BICRA: variants seen among roughly 807,000 people sequenced by gnomAD.
The protein encoded by BICRA is BRD4-interacting chromatin-remodeling complex-associated protein.
Under a neutral mutation model 96.9 loss-of-function variants are expected in BICRA, and 31 were observed. The ratio of observed to expected loss-of-function variants is 0.32; its 90% CI spans 0.24 to 0.43. BICRA has a LOEUF of 0.43. Among genes scored for constraint, BICRA ranks in the 20% least tolerant of loss-of-function variants. The pLI is 1.00. For synonymous variants in BICRA, 1,350 were observed against 1,071.8 expected (o/e 1.26, Z -5.07); for missense variants, 2,283 against 2,190.3 (o/e 1.04, Z -0.84).
chr19:47,674,313 T>TACAGAACC (rs149002308), intron 4 of BICRA, among the ~76,000 whole-genome samples: 1 of 151,796 alleles, frequency 6.6e-6, no homozygotes, highest in African/African-American at 2.4e-5. Flanking sequence ...AGTCACCAGG[T>TACAGAACC]TGTGTAGGCC....
At chr19:47,642,849 G>A (rs575149424) in intron 1 of BICRA, among the ~76,000 whole-genome samples, 119 of 152,330 alleles carry the variant, frequency 7.8e-4, no homozygotes, top group African/African-American at 2.7e-3. Flanking sequence ...AATGTCAGAC[G>A]TTCTAACGGG....
Position 47,675,717 on chromosome 19 carries a change from T to G in BICRA, c.85-134T>G. On this transcript the variant is annotated intron_variant, in intron 4 of 14. Transcript: ENST00000594866. This position sits in a 1 kb window ranked among gnomAD's most constrained non-coding sequence, Gnocchi z 4.7. ...TGGGGCCTCTTTTCGGAGGCGAGAG[T>G]TTCCCATACCCCCAGCCCTCTCCCA... 1.4e-6 allele frequency: 1 copy of G among 717,646 alleles called. No individual in the cohort carries two copies. Among genetic ancestry groups the G allele is most frequent in the Non-Finnish European group, 2.5e-6 (1 of 407,692 alleles). The allele number at this position is 717,646 out of a possible 1,614,324, so 44.5% of individuals were successfully genotyped here.
Position 47,695,430 on chromosome 19 carries a change from G to A in BICRA, c.3142G>A (p.Ala1048Thr). 1.3e-6 allele frequency: 2 copies of A among 1,598,472 alleles called. No individual in the cohort carries two copies. The highest frequency in any genetic ancestry group is 2.3e-5 in the East Asian group (1 of 44,086). Residue 1048 changes from alanine (A) to threonine (T), a missense_variant, in exon 10 of 15, where the codon GCC becomes ACC. Coordinates refer to ENST00000594866, the MANE Select transcript of BICRA (RefSeq NM_001394372.1). Reference sequence around the variant, plus strand: ...CAGCAACCTCCCGACCCTGAATGTGGCCAAGGCCGCTTCCTCCGGGCCAGG... The same window carrying A: ...CAGCAACCTCCCGACCCTGAATGTGACCAAGGCCGCTTCCTCCGGGCCAGG... ...FASNLPTLNV[A>T]KAASSGPGKP...
At position 47,675,705 on chromosome 19, in the gene BICRA, C is replaced by T. The variant is rs564354765; in HGVS notation, c.85-146C>T. 17 of 681,192 alleles carry T rather than the reference C, an allele frequency of 2.5e-5. No individual in the cohort carries two copies. The highest frequency in any genetic ancestry group is 6.9e-5 in the South Asian group (4 of 58,160). 42.2% of individuals were successfully genotyped at this position (681,192 alleles called of 1,614,324 possible). Reference sequence around the variant, plus strand: ...AGCCCCTGCCTTTGGGGCCTCTTTTCGGAGGCGAGAGTTTCCCATACCCCC... The same window carrying T: ...AGCCCCTGCCTTTGGGGCCTCTTTTTGGAGGCGAGAGTTTCCCATACCCCC... On this transcript the variant is annotated intron_variant, in intron 4 of 14. Coordinates refer to ENST00000594866, the MANE Select transcript of BICRA (RefSeq NM_001394372.1). The surrounding 1 kb of genome is among the most constrained non-coding windows in gnomAD (Gnocchi z 4.7).
intron 1 of BICRA, among the ~76,000 whole-genome samples, chr19:47,656,617 G>T (rs1972622892): frequency 6.6e-6 from 1 of 152,046 alleles, no homozygotes; most frequent in Non-Finnish European, 1.5e-5. Context: ...TTTTCTACAT[G>T]CTAGGGGTGC....
At chr19:47,633,226 C>A (rs1367683272) in intron 1 of BICRA, among the ~76,000 whole-genome samples, 1 of 151,610 alleles carries the variant, frequency 6.6e-6, no homozygotes, top group Non-Finnish European at 1.5e-5. Context: ...ATTATAGGTG[C>A]CCGCCACCAC....
rs1973443011 is a variant in BICRA at position 47,701,470 on chromosome 19, T to C, written c.3738T>C (p.Leu1246=). ...CCCCTCCACACCTGCCCACCAAGCT[T>C]GTGATCCGGCACGGCGGGGCAGGCG... is the stretch of plus-strand genomic sequence containing the variant. The part of the protein sequence containing the change: ...TQPPPHLPTK[L]VIRHGGAGGS... Residue 1246 remains leucine, a synonymous_variant, in exon 15 of 15, where the codon CTT becomes CTC. Coordinates refer to ENST00000594866, the MANE Select transcript of BICRA (RefSeq NM_001394372.1). The surrounding 1 kb of genome is among the most constrained non-coding windows in gnomAD (Gnocchi z 5.4). 1 of 1,561,446 alleles carries C rather than the reference T, an allele frequency of 6.4e-7. No individual in the cohort carries two copies. The highest frequency in any genetic ancestry group is 8.7e-7 in the Non-Finnish European group (1 of 1,153,994).
chr19:47,699,157 C>G lies in BICRA; in HGVS notation c.3492+98C>G. The G allele has an allele frequency of 1.0e-6, 1 of 990,076 alleles. No homozygotes were observed. The highest frequency in any genetic ancestry group is 1.6e-6 in the Non-Finnish European group (1 of 640,046). The allele number at this position is 990,076 out of a possible 1,614,324, so 61.3% of individuals were successfully genotyped here. On this transcript the variant is annotated intron_variant, in intron 13 of 14. Transcript: ENST00000594866. This position sits in a 1 kb window ranked among gnomAD's most constrained non-coding sequence, Gnocchi z 5.0. Reference sequence around the variant, plus strand: ...CTGGGCAAGGTGGAGCCTCCCGCCCCTCCTAGCCCCGGGAGGGAGGTTGGG... The same window carrying G: ...CTGGGCAAGGTGGAGCCTCCCGCCCGTCCTAGCCCCGGGAGGGAGGTTGGG...
intron 5 of BICRA, among the ~76,000 whole-genome samples, chr19:47,677,929 T>C (rs1477957585): frequency 3.9e-5 from 6 of 152,102 alleles, no homozygotes. Context: ...CGGCCAAACT[T>C]GGGATGTCAC....
chr19:47,646,481 T>C (rs761384583), intron 1 of BICRA, among the ~76,000 whole-genome samples: 1 of 152,144 alleles, frequency 6.6e-6, no homozygotes, highest in Non-Finnish European at 1.5e-5. Context: ...AACACCATGC[T>C]TAAGAACATT....
chr19:47,688,828 A>T (rs1022709689), intron 7 of BICRA, among the ~76,000 whole-genome samples: 86 of 151,454 alleles, frequency 5.7e-4, no homozygotes, highest in African/African-American at 1.8e-3. Flanking sequence ...GTTTTGTTTT[A>T]TTTTTTGTTT....
intron 7 of BICRA, among the ~76,000 whole-genome samples, chr19:47,690,722 A>G (rs941276212): frequency 1.3e-5 from 2 of 152,022 alleles, no homozygotes; most frequent in Admixed American, 1.3e-4. Context: ...TATGAGAGAG[A>G]TGAACTTTGT....
chr19:47,676,975 G>C (rs552821914), intron 5 of BICRA, among the ~76,000 whole-genome samples: 1 of 152,108 alleles, frequency 6.6e-6, no homozygotes, highest in African/African-American at 2.4e-5. Flanking sequence ...TAAGAGCTCA[G>C]GGGGTTACAG....
chr19:47,623,640 T>G (rs1213185018), intron 1 of BICRA, among the ~76,000 whole-genome samples: 1 of 152,082 alleles, frequency 6.6e-6, no homozygotes, highest in Non-Finnish European at 1.5e-5. Context: ...CCCATTCCCC[T>G]GCAAAGCCAG....
At chr19:47,667,916 G>A (rs574317792) in intron 1 of BICRA, among the ~76,000 whole-genome samples, 199 of 152,318 alleles carry the variant, frequency 1.3e-3, no homozygotes, top group African/African-American at 4.6e-3. Context: ...GGCCTCTGCA[G>A]TGAGCCTGCC....
chr19:47,680,780 A>C lies in BICRA; in HGVS notation c.1610A>C (p.His537Pro), dbSNP rs757601704. 87 of 1,610,080 alleles carry C rather than the reference A, an allele frequency of 5.4e-5. No homozygotes were observed. The highest frequency in any genetic ancestry group is 1.7e-4 in the Middle Eastern group (1 of 6,048). Residue 537 changes from histidine (H) to proline (P), a missense_variant, in exon 6 of 15, where the codon CAC (histidine) becomes CCC (proline). By Grantham distance (77) the His-to-Pro change is moderately conservative. Coordinates refer to ENST00000594866, the MANE Select transcript of BICRA (RefSeq NM_001394372.1). ...GTGTTGGCCCCCCACTCCGGGGCCCACAGCGCGCACATCCTCTCCGCCGCT... is the reference window on the plus strand; with the variant it reads ...GTGTTGGCCCCCCACTCCGGGGCCCCCAGCGCGCACATCCTCTCCGCCGCT... ...GPVLAPHSGA[H>P]SAHILSAAPI... is the part of the protein sequence containing the mutation.
intron 7 of BICRA, among the ~76,000 whole-genome samples, chr19:47,683,640 G>A (rs1003759721): frequency 3.3e-5 from 5 of 150,904 alleles, no homozygotes; most frequent in Admixed American, 1.3e-4. Flanking sequence ...GCTGGAGTGC[G>A]GTGTCGCGAT....
rs766795058 is a variant in BICRA, at chr19:47,681,263, T to C, written c.2093T>C (p.Met698Thr). 1.9e-6 allele frequency: 3 copies of C among 1,540,656 alleles called. No homozygotes were observed. Among genetic ancestry groups the C allele is most frequent in the Admixed American group, 3.9e-5 (2 of 51,586 alleles). The change falls in exon 6 of 15, where the codon ATG becomes ACG. Residue 698 changes from methionine to threonine, a missense_variant. Transcript: ENST00000594866. ...ATCCTCACTCAGGACTCCCTGCAGA[T>C]GTTCCTGCCCCAGGTAAGCAGGGCG... Reference protein sequence around the residue: ...TAILTQDSLQMFLPQERSQQP... With the variant: ...TAILTQDSLQTFLPQERSQQP...
At chr19:47,625,460 C>G (rs542423922) in intron 1 of BICRA, among the ~76,000 whole-genome samples, 1 of 152,284 alleles carries the variant, frequency 6.6e-6, no homozygotes, top group African/African-American at 2.4e-5. Context: ...ACTTTCTCGT[C>G]CAATTTCCTT....
Sources: gnomAD v4.1 joint callset for allele counts (sites outside exome capture counted in the v4.1 genomes callset) on GRCh38, gnomAD v4.1.1 for gene constraint, Gnocchi (gnomAD v3.1) non-coding constraint, MANE v1.5 for transcripts, NCBI Gene and HGNC (gene_info 2026-07-23, HGNC 2026-07-21) for gene names.